The following SLC25A26 variants were observed in gnomAD, a reference collection of about 807,000 sequenced individuals.
SLC25A26 encodes the protein mitochondrial S-adenosylmethionine carrier protein.
SLC25A26 carries 36 observed loss-of-function variants against 37.8 expected under a neutral mutation model. The observed-to-expected ratio is 0.95, with a 90% CI of 0.73 to 1.26. SLC25A26 has a LOEUF of 1.26. SLC25A26 is among the 50% of genes most tolerant of loss of function. SLC25A26 has a pLI of 0.00. For synonymous variants in SLC25A26, 129 were observed against 122.5 expected, an observed-to-expected ratio of 1.05 and a Z score of -0.35; for missense variants, 390 against 331.1, an observed-to-expected ratio of 1.18 and a Z score of -1.38.
chr3:66,222,282 G>A (rs965379601), intron 1 of SLC25A26, among the ~76,000 whole-genome samples: 1 of 151,002 alleles, frequency 6.6e-6, no homozygotes, highest in Non-Finnish European at 1.5e-5. Context: ...TCGGGTTCAC[G>A]CCATTCTCCT....
intron 6 of SLC25A26, among the ~76,000 whole-genome samples, chr3:66,350,882 C>G (rs903774643): frequency 2.6e-5 from 4 of 152,054 alleles, no homozygotes; most frequent in South Asian, 2.1e-4. Flanking sequence ...AATCTCAATT[C>G]AGTGTTTGAT....
chr3:66,297,623 A>G (rs890763284), intron 5 of SLC25A26, among the ~76,000 whole-genome samples: 1 of 152,228 alleles, frequency 6.6e-6, no homozygotes, highest in Non-Finnish European at 1.5e-5. Context: ...TTGGTAAACT[A>G]TGACCTGTGG....
intron 1 of SLC25A26, among the ~76,000 whole-genome samples, chr3:66,164,106 G>C (rs1215074064): frequency 2.0e-5 from 3 of 152,132 alleles, no homozygotes. Flanking sequence ...GCCTATTGTA[G>C]AAATAGAAGA....
intron 1 of SLC25A26, among the ~76,000 whole-genome samples, chr3:66,192,317 C>CCA (rs2070959911): frequency 9.0e-6 from 1 of 111,242 alleles, no homozygotes; most frequent in South Asian, 3.2e-4. Context: ...CTCCATGTCA[C>CCA]AAAAAAAAAA....
chr3:66,201,918 A>G (rs2106814594), intron 1 of SLC25A26, among the ~76,000 whole-genome samples: 1 of 152,328 alleles, frequency 6.6e-6, no homozygotes, highest in South Asian at 2.1e-4. Context: ...TACGCTACAT[A>G]GGACAAAAGA....
intron 1 of SLC25A26, among the ~76,000 whole-genome samples, chr3:66,145,989 A>C (rs1206045492): frequency 6.6e-6 from 1 of 152,236 alleles, no homozygotes; most frequent in Non-Finnish European, 1.5e-5. Context: ...TTACCTGTTT[A>C]ACATGAAAGT....
intron 4 of SLC25A26, 96 bp from the exon 5 acceptor site, chr3:66,263,236 G>A: frequency 1.2e-6 from 1 of 836,288 alleles, no homozygotes; most frequent in Non-Finnish European, 2.0e-6. Context: ...GAATGTTCTA[G>A]AACTCAAACA....
intron 5 of SLC25A26, among the ~76,000 whole-genome samples, chr3:66,331,321 A>G (rs1469455233): frequency 6.6e-6 from 1 of 152,052 alleles, no homozygotes; most frequent in Non-Finnish European, 1.5e-5. Flanking sequence ...TTGAATTTGT[A>G]TTTCATTTAA....
At chr3:66,223,964 T>C (rs997128665) in intron 1 of SLC25A26, among the ~76,000 whole-genome samples, 4 of 152,194 alleles carry the variant, frequency 2.6e-5, no homozygotes, top group African/African-American at 9.7e-5. Context: ...TGCTAAAACA[T>C]GGGACAGAGG....
At chr3:66,147,495 A>G (rs975161755) in intron 1 of SLC25A26, among the ~76,000 whole-genome samples, 1 of 151,926 alleles carries the variant, frequency 6.6e-6, no homozygotes, top group Non-Finnish European at 1.5e-5. Context: ...TGGTTGATGG[A>G]CACTCAGGTT....
chr3:66,235,026 A>G (rs2072207956), intron 1 of SLC25A26, among the ~76,000 whole-genome samples: 1 of 152,130 alleles, frequency 6.6e-6, no homozygotes. Flanking sequence ...TGATGCCTTT[A>G]GATCTGGGTG....
At chr3:66,362,814 A>G (rs770934815) in intron 6 of SLC25A26, 46 bp from the exon 7 acceptor site, 18 of 1,410,684 alleles carry the variant, frequency 1.3e-5, no homozygotes, top group Admixed American at 2.3e-5. Context: ...GTTCCGATAA[A>G]TTCAAATATT....
intron 1 of SLC25A26, among the ~76,000 whole-genome samples, chr3:66,183,601 C>T (rs958362021): frequency 6.6e-6 from 1 of 151,960 alleles, no homozygotes. Context: ...TGAATCTGAC[C>T]TTAATCCTCA....
At chr3:66,194,160 C>A (rs2070998381) in intron 1 of SLC25A26, among the ~76,000 whole-genome samples, 1 of 152,224 alleles carries the variant, frequency 6.6e-6, no homozygotes, top group Admixed American at 6.5e-5. Flanking sequence ...GGACAGGAAT[C>A]AAAGCCTCTA....
intron 1 of SLC25A26, among the ~76,000 whole-genome samples, chr3:66,143,797 C>T (rs1438352570): frequency 1.3e-5 from 2 of 152,106 alleles, no homozygotes; most frequent in Admixed American, 6.6e-5. Flanking sequence ...AGGAGGGTTG[C>T]TTGAGCTTGG....
intron 5 of SLC25A26, among the ~76,000 whole-genome samples, chr3:66,281,995 C>CTTTTTTT (rs745763623): frequency 1.1e-5 from 1 of 87,866 alleles, no homozygotes; most frequent in Non-Finnish European, 2.2e-5. Context: ...ACTGATTTTG[C>CTTTTTTT]ATTTTTTTTT....
intron 1 of SLC25A26, among the ~76,000 whole-genome samples, chr3:66,206,676 C>T (rs1470747474): frequency 1.3e-5 from 2 of 150,214 alleles, no homozygotes; most frequent in Non-Finnish European, 3.0e-5. Flanking sequence ...AACATATTTG[C>T]ATCGCTCAGC....
chr3:66,362,615 GCA>G (rs995195243), intron 6 of SLC25A26, among the ~76,000 whole-genome samples: 23 of 152,114 alleles, frequency 1.5e-4, no homozygotes, highest in Non-Finnish European at 2.9e-4. Flanking sequence ...TTGTGTGCGT[GCA>G]CACACACATA....
chr3:66,220,839 C>T, upstream of SLC25A26: 1 of 557,866 alleles, frequency 1.8e-6, no homozygotes. Context: ...CTGCACACAA[C>T]GCTGCTGCAG....
Sources: allele counts gnomAD v4.1 joint callset (sites outside exome capture counted in the v4.1 genomes callset), GRCh38; gene constraint gnomAD v4.1.1; transcripts MANE v1.5; gene names NCBI Gene and HGNC (gene_info 2026-07-23, HGNC 2026-07-21).